The following NPAS3 variants were observed in gnomAD, a reference collection of about 807,000 sequenced individuals.
The protein encoded by NPAS3 is neuronal PAS domain protein 3.
A neutral mutation model predicts 73.1 loss-of-function variants in NPAS3; 14 were observed. That is an observed-to-expected ratio of 0.19 (90% CI 0.13 to 0.30). The LOEUF (loss-of-function observed/expected upper bound fraction) is 0.30, where lower values mean the gene tolerates loss of function less well. Ranked by LOEUF, NPAS3 falls within the 10% of genes least tolerant of loss-of-function variation. The pLI, the probability that NPAS3 is intolerant of heterozygous loss-of-function variation, is 1.00. For missense variants in NPAS3, 1,096 were observed against 1,250.0 expected, an observed-to-expected ratio of 0.88 and a Z score of 1.86; for synonymous variants, 620 against 541.5, an observed-to-expected ratio of 1.14 and a Z score of -2.01.
At chr14:32,977,319 G>A (rs1330853539) in intron 1 of NPAS3, among the ~76,000 whole-genome samples, 2 of 131,030 alleles carry the variant, frequency 1.5e-5, no homozygotes, top group Admixed American at 8.3e-5. Context: ...TGGACATAAG[G>A]CCGTTATTAC....
At chr14:33,558,732 T>C (rs1307807534) in intron 4 of NPAS3, among the ~76,000 whole-genome samples, 1 of 152,050 alleles carries the variant, frequency 6.6e-6, no homozygotes, top group African/African-American at 2.4e-5. Context: ...CACATATTTC[T>C]AACTAAATTT....
chr14:33,792,337 G>C (rs1247489579), intron 9 of NPAS3, among the ~76,000 whole-genome samples: 1 of 151,978 alleles, frequency 6.6e-6, no homozygotes, highest in Non-Finnish European at 1.5e-5. Context: ...TCAAAGTGAG[G>C]CTTTTTCAAG....
chr14:33,070,641 A>G (rs1490081386), intron 2 of NPAS3, among the ~76,000 whole-genome samples: 1 of 152,170 alleles, frequency 6.6e-6, no homozygotes, highest in African/African-American at 2.4e-5. Flanking sequence ...ATCACTCATG[A>G]TCATAGCACA....
chr14:33,351,662 A>G (rs2045062381), intron 3 of NPAS3, among the ~76,000 whole-genome samples: 1 of 152,174 alleles, frequency 6.6e-6, no homozygotes, highest in Non-Finnish European at 1.5e-5. Flanking sequence ...AGATCATTAC[A>G]CTCCAAATCC....
At chr14:33,443,856 A>G (rs2049362975) in intron 4 of NPAS3, among the ~76,000 whole-genome samples, 1 of 152,178 alleles carries the variant, frequency 6.6e-6, no homozygotes, top group Non-Finnish European at 1.5e-5. Context: ...CGGGTAGGGT[A>G]TAATGTTGGA....
chr14:33,489,102 T>A (rs1230352662), intron 4 of NPAS3, among the ~76,000 whole-genome samples: 1 of 152,208 alleles, frequency 6.6e-6, no homozygotes, highest in African/African-American at 2.4e-5. Flanking sequence ...TGGTTTTTTT[T>A]CTTTGATAGT....
intron 4 of NPAS3, among the ~76,000 whole-genome samples, chr14:33,425,217 T>C (rs1407093880): frequency 1.3e-5 from 2 of 152,006 alleles, no homozygotes; most frequent in Non-Finnish European, 2.9e-5. Flanking sequence ...GCAAGGCATA[T>C]TGAAATGGAT....
At chr14:33,645,257 T>G (rs2058797085) in intron 5 of NPAS3, among the ~76,000 whole-genome samples, 1 of 152,170 alleles carries the variant, frequency 6.6e-6, no homozygotes, top group Non-Finnish European at 1.5e-5. Flanking sequence ...AAAAACTCTG[T>G]GAAGCTGCAG....
intron 7 of NPAS3, among the ~76,000 whole-genome samples, chr14:33,769,398 A>G (rs2062568644): frequency 6.6e-6 from 1 of 152,208 alleles, no homozygotes. Context: ...GTTACCATTT[A>G]CCATTTAGTC....
intron 3 of NPAS3, among the ~76,000 whole-genome samples, chr14:33,237,812 AGAT>A (rs2048086561): frequency 6.6e-6 from 1 of 152,080 alleles, no homozygotes; most frequent in African/African-American, 2.4e-5. Context: ...TACATAAAGA[AGAT>A]AAGTATATTA....
At chr14:33,239,977 A>G (rs1411455923) in intron 3 of NPAS3, among the ~76,000 whole-genome samples, 1 of 151,852 alleles carries the variant, frequency 6.6e-6, no homozygotes, top group Non-Finnish European at 1.5e-5. Context: ...AGGGCCTACT[A>G]TATTTTCCTT....
chr14:33,637,835 G>C (rs2058566356), intron 5 of NPAS3, among the ~76,000 whole-genome samples: 1 of 152,096 alleles, frequency 6.6e-6, no homozygotes. Flanking sequence ...CACAAATCTA[G>C]AAGTTGCACT....
chr14:33,149,655 T>C (rs529910371), intron 2 of NPAS3, among the ~76,000 whole-genome samples: 26 of 152,302 alleles, frequency 1.7e-4, no homozygotes, highest in Admixed American at 3.3e-4. Flanking sequence ...GTGGGTACCT[T>C]GAAAAATATT....
chr14:33,340,107 GT>G (rs968373454), intron 3 of NPAS3, among the ~76,000 whole-genome samples: 1 of 152,108 alleles, frequency 6.6e-6, no homozygotes, highest in African/African-American at 2.4e-5. Context: ...ACATATAGTT[GT>G]TTTATTCATA....
chr14:32,938,742 G>A (rs1324317259), upstream of NPAS3, among the ~76,000 whole-genome samples: 3 of 150,196 alleles, frequency 2.0e-5, no homozygotes, highest in African/African-American at 7.3e-5. Context: ...GACGGGGGAC[G>A]GGGGCGGGGG....
chr14:33,402,806 G>GC (rs1056791867), intron 4 of NPAS3, among the ~76,000 whole-genome samples: 6 of 152,142 alleles, frequency 3.9e-5, no homozygotes, highest in African/African-American at 1.2e-4. Flanking sequence ...TTGGGCACTG[G>GC]CCCAGAGCCC....
intron 2 of NPAS3, among the ~76,000 whole-genome samples, chr14:33,198,215 G>C (rs755963423): frequency 9.2e-5 from 14 of 152,206 alleles, no homozygotes; most frequent in Non-Finnish European, 2.1e-4. Context: ...ATTGCAAAGA[G>C]CAAAAGAACA....
Position 33,800,697 on chromosome 14 carries a change from A to G in NPAS3, c.2390A>G (p.Gln797Arg), listed in dbSNP as rs1447897861. ...GACCTGGAGGCGCTGCAGAGGTTGC[A>G]GGCGGGCAACGTCGTGCTCCCGCTG... The change falls in exon 12 of 12, where the codon CAG (glutamine) becomes CGG (arginine). Residue 797 changes from glutamine to arginine, a missense_variant. Gln to Arg is a conservative substitution (Grantham distance 43, BLOSUM62 1). This residue lies in a region of NPAS3 where 698 missense variants were observed against 676.7 expected (regional missense o/e 1.03). Transcript: ENST00000356141. The surrounding 1 kb of genome is among the most constrained non-coding windows in gnomAD (Gnocchi z 6.5). 1 of 1,547,154 alleles carries G rather than the reference A, an allele frequency of 6.5e-7. No individual in the cohort carries two copies. The highest frequency in any genetic ancestry group is 8.7e-7 in the Non-Finnish European group (1 of 1,148,470).
At chr14:33,462,195 C>A (rs79717493) in intron 4 of NPAS3, among the ~76,000 whole-genome samples, 129 of 152,330 alleles carry the variant, frequency 8.5e-4, no homozygotes, top group African/African-American at 3.0e-3. Context: ...CTGTTTCCAG[C>A]TAGCTTATCT....
Sources: gnomAD v4.1 joint callset for allele counts (sites outside exome capture counted in the v4.1 genomes callset) on GRCh38, gnomAD v4.1.1 for gene constraint, gnomAD v4.1.1 regional missense constraint, Gnocchi (gnomAD v3.1) non-coding constraint, MANE v1.5 for transcripts, NCBI Gene and HGNC (gene_info 2026-07-23, HGNC 2026-07-21) for gene names.